The following SUCLA2 variants were observed in gnomAD, a reference collection of about 807,000 sequenced individuals.
The protein encoded by SUCLA2 is succinate--CoA ligase [ADP-forming] subunit beta, mitochondrial.
A neutral mutation model predicts 54.8 loss-of-function variants in SUCLA2; 30 were observed. The ratio of observed to expected loss-of-function variants is 0.55; its 90% CI spans 0.41 to 0.74. SUCLA2 has a LOEUF of 0.74. Among genes scored for constraint, SUCLA2 ranks in the 30% least tolerant of loss-of-function variants. The pLI is 0.00. For missense variants in SUCLA2, 476 were observed against 562.9 expected, an observed-to-expected ratio of 0.85 and a Z score of 1.56; for synonymous variants, 172 against 188.9, an observed-to-expected ratio of 0.91 and a Z score of 0.74.
At chr13:47,989,772 A>G (rs916576750) in intron 2 of SUCLA2, among the ~76,000 whole-genome samples, 3 of 152,172 alleles carry the variant, frequency 2.0e-5, no homozygotes, top group Admixed American at 6.5e-5. Context: ...ACCAGTATTG[A>G]TACTGATTTA....
At chr13:47,943,766 G>GTGTGTGTATA (rs1300486540) in intron 10 of SUCLA2, among the ~76,000 whole-genome samples, 4 of 139,662 alleles carry the variant, frequency 2.9e-5, no homozygotes, top group African/African-American at 1.1e-4. Flanking sequence ...GTGTGTGTGT[G>GTGTGTGTATA]TATATATATA....
intron 10 of SUCLA2, among the ~76,000 whole-genome samples, chr13:47,947,910 A>G (rs1949745761): frequency 6.6e-6 from 1 of 152,214 alleles, no homozygotes; most frequent in South Asian, 2.1e-4. Flanking sequence ...AAACCAACAG[A>G]TTAAGAAACT....
chr13:47,965,404 T>A (rs1949908895), intron 6 of SUCLA2, among the ~76,000 whole-genome samples: 1 of 148,804 alleles, frequency 6.7e-6, no homozygotes, highest in South Asian at 2.1e-4. Flanking sequence ...CCTGACATTG[T>A]GCACTATGAA....
chr13:47,946,849 C>T (rs1407371378), intron 10 of SUCLA2, among the ~76,000 whole-genome samples: 2 of 151,548 alleles, frequency 1.3e-5, no homozygotes, highest in Admixed American at 1.3e-4. Flanking sequence ...AAACAGATGT[C>T]AGATAAGAAA....
At chr13:47,974,674 G>T (rs960003914) in intron 4 of SUCLA2, among the ~76,000 whole-genome samples, 6 of 152,068 alleles carry the variant, frequency 3.9e-5, no homozygotes, top group Non-Finnish European at 7.4e-5. Flanking sequence ...ATATGAGAAG[G>T]TAAGGTATCA....
chr13:47,981,821 A>G (rs1950062463), intron 4 of SUCLA2, among the ~76,000 whole-genome samples: 1 of 152,086 alleles, frequency 6.6e-6, no homozygotes, highest in Non-Finnish European at 1.5e-5. Flanking sequence ...TCAAAAAAAT[A>G]CAAAAATAAA....
intron 6 of SUCLA2, among the ~76,000 whole-genome samples, chr13:47,966,234 A>G (rs902493382): frequency 6.6e-6 from 1 of 152,160 alleles, no homozygotes; most frequent in African/African-American, 2.4e-5. Context: ...ACTAAAGTGT[A>G]TTTAGGAGTT....
rs1335961741 is a variant in SUCLA2, at chr13:47,968,637, T to C, written c.760A>G (p.Met254Val). 2 of 1,611,860 alleles carry C rather than the reference T, an allele frequency of 1.2e-6. No individual in the cohort carries two copies. Among genetic ancestry groups the C allele is most frequent in the South Asian group, 1.1e-5 (1 of 90,992 alleles). Residue 254 changes from methionine to valine, a missense_variant, in exon 6 of 11, where the codon ATG becomes GTG. Met to Val is a conservative substitution (Grantham distance 21). Coordinates refer to ENST00000646932, the MANE Select transcript of SUCLA2 (RefSeq NM_003850.3). Reference sequence around the variant, plus strand: ...TCCACCATTGGATTTATTTCTATCATGGTTGCATCGTATTTCAGAAAAAGG... The same window carrying C: ...TCCACCATTGGATTTATTTCTATCACGGTTGCATCGTATTTCAGAAAAAGG... The part of the protein sequence containing the change: ...YSLFLKYDAT[M>V]IEINPMVEDS...
At chr13:47,957,929 G>A (rs756718219) in intron 6 of SUCLA2, among the ~76,000 whole-genome samples, 9 of 152,158 alleles carry the variant, frequency 5.9e-5, no homozygotes, top group Admixed American at 1.3e-4. Flanking sequence ...CAGCTGGATT[G>A]TGTTTGGGTG....
At chr13:47,964,851 C>T (rs904169940) in intron 6 of SUCLA2, among the ~76,000 whole-genome samples, 3 of 150,450 alleles carry the variant, frequency 2.0e-5, no homozygotes, top group Non-Finnish European at 3.0e-5. Flanking sequence ...AGCAAGACCC[C>T]GTCTCAAAAA....
At chr13:47,975,577 A>G (rs754751309) in intron 4 of SUCLA2, among the ~76,000 whole-genome samples, 4 of 109,522 alleles carry the variant, frequency 3.7e-5, no homozygotes, top group Non-Finnish European at 7.3e-5. Flanking sequence ...TACTTAAAAT[A>G]AGGCAATAAC....
intron 5 of SUCLA2, among the ~76,000 whole-genome samples, chr13:47,972,723 T>C (rs1593490965): frequency 6.7e-6 from 1 of 148,762 alleles, no homozygotes; most frequent in Admixed American, 6.7e-5. Context: ...TTAATTTTAC[T>C]AGATAGGGTA....
chr13:47,979,013 C>T (rs1950040405), intron 4 of SUCLA2, among the ~76,000 whole-genome samples: 1 of 152,174 alleles, frequency 6.6e-6, no homozygotes, highest in Admixed American at 6.5e-5. Flanking sequence ...AGTCAGGAAA[C>T]AACAGATGCT....
chr13:47,980,308 G>A (rs2897496), intron 4 of SUCLA2, among the ~76,000 whole-genome samples: 4,134 of 152,108 alleles, frequency 0.027, 91 homozygotes, highest in South Asian at 0.081. Flanking sequence ...CCAGCTACTC[G>A]GGAGTCTGAG....
intron 2 of SUCLA2, 120 bp from the exon 3 acceptor site, chr13:47,989,101 GTCC>G: frequency 2.0e-6 from 2 of 993,234 alleles, no homozygotes; most frequent in Non-Finnish European, 3.1e-6. Flanking sequence ...TATTCACAAT[GTCC>G]AAAAATAAGG....
chr13:47,957,267 G>A (rs1422080091), intron 6 of SUCLA2, among the ~76,000 whole-genome samples: 1 of 152,194 alleles, frequency 6.6e-6, no homozygotes. Context: ...CTCAGCTGCA[G>A]CACCCGATTA....
intron 6 of SUCLA2, among the ~76,000 whole-genome samples, chr13:47,957,901 G>A (rs975084611): frequency 6.6e-6 from 1 of 152,160 alleles, no homozygotes; most frequent in African/African-American, 2.4e-5. Context: ...CACTTTTGGG[G>A]CTTGTTTGTT....
chr13:47,983,116 A>AT (rs1364151836), intron 4 of SUCLA2, among the ~76,000 whole-genome samples: 3 of 152,042 alleles, frequency 2.0e-5, no homozygotes, highest in Non-Finnish European at 4.4e-5. Context: ...TCCTTTCAAT[A>AT]TAAAAAAAAA....
intron 6 of SUCLA2, among the ~76,000 whole-genome samples, chr13:47,964,227 T>G (rs1320732643): frequency 6.6e-6 from 1 of 152,168 alleles, no homozygotes; most frequent in Non-Finnish European, 1.5e-5. Flanking sequence ...ATTATATGAT[T>G]GCATTTATAT....
Sources: allele counts gnomAD v4.1 joint callset (sites outside exome capture counted in the v4.1 genomes callset), GRCh38; gene constraint gnomAD v4.1.1; transcripts MANE v1.5; gene names NCBI Gene and HGNC (gene_info 2026-07-23, HGNC 2026-07-21).